Variants in SYT10 observed in about 807,000 individuals in gnomAD.
SYT10 encodes synaptotagmin 10.
A neutral mutation model predicts 51.1 loss-of-function variants in SYT10; 31 were observed. The observed-to-expected ratio is 0.61, with a 90% CI of 0.46 to 0.82. SYT10 has a LOEUF of 0.82. SYT10 is among the 40% of genes least tolerant of loss of function. SYT10 has a pLI of 0.00. For synonymous variants in SYT10, 233 were observed against 225.9 expected (o/e 1.03, Z -0.28); for missense variants, 603 against 634.0 (o/e 0.95, Z 0.53).
chr12:33,401,756 T>G (rs1403433838), intron 3 of SYT10, among the ~76,000 whole-genome samples: 2 of 152,198 alleles, frequency 1.3e-5, no homozygotes, highest in Non-Finnish European at 2.9e-5. Context: ...TCCCATTGTT[T>G]TTTCCTCTGG....
At chr12:33,412,564 T>G (rs1368812669) in intron 2 of SYT10, among the ~76,000 whole-genome samples, 1 of 152,120 alleles carries the variant, frequency 6.6e-6, no homozygotes, top group African/African-American at 2.4e-5. Flanking sequence ...TTGTATTTTT[T>G]GCTGTTGAAA....
chr12:33,426,937 G>A (rs10844598), intron 1 of SYT10, among the ~76,000 whole-genome samples: 4 of 152,094 alleles, frequency 2.6e-5, no homozygotes, highest in South Asian at 2.1e-4. Context: ...TTCTGTAAAC[G>A]GTTTTCAACA....
intron 2 of SYT10, among the ~76,000 whole-genome samples, chr12:33,421,861 G>T (rs369837978): frequency 1.5e-4 from 23 of 152,214 alleles, no homozygotes; most frequent in African/African-American, 5.3e-4. Flanking sequence ...TAAAAACGAG[G>T]TTGTTATTCC....
chr12:33,385,186 T>C lies in SYT10; in HGVS notation c.1183A>G (p.Ile395Val). The C allele has an allele frequency of 1.2e-6, 2 of 1,613,718 alleles. No individual in the cohort carries two copies. Among genetic ancestry groups the C allele is most frequent in the Non-Finnish European group, 1.7e-6 (2 of 1,179,728 alleles). The part of the protein sequence containing the change: ...IKCRNLKAMD[I>V]TGSSDPYVKV... ...GTGTACATACCTGATGAGCCAGTAATATCCATCGCCTTCAGATTTCTGCAC... is the reference window on the plus strand; with the variant it reads ...GTGTACATACCTGATGAGCCAGTAACATCCATCGCCTTCAGATTTCTGCAC... Residue 395 changes from isoleucine (I) to valine (V), a missense_variant, in exon 4 of 7, where the codon ATT (isoleucine) becomes GTT (valine). Ile to Val is a conservative substitution (Grantham distance 29). Transcript: ENST00000228567.
At position 33,408,136 on chromosome 12, in the gene SYT10, A is replaced by G. The variant is rs1338617124; in HGVS notation, c.510-780T>C. ...TGGATATTTGAGTCTCATGAATTTC[A>G]CATTTTAGTGACTATAGTATTAAAA... On this transcript the variant is annotated intron_variant, in intron 2 of 6. Transcript: ENST00000228567. 7.9e-5 allele frequency: 12 copies of G among 152,220 alleles called. 1 individual carries two copies. Among genetic ancestry groups the G allele is most frequent in the Admixed American group, 7.9e-4 (12 of 15,272 alleles). 9.4% of individuals were successfully genotyped at this position (152,220 alleles called of 1,614,324 possible).
At chr12:33,417,366 A>G (rs1184808909) in intron 2 of SYT10, among the ~76,000 whole-genome samples, 1 of 152,072 alleles carries the variant, frequency 6.6e-6, no homozygotes, top group Non-Finnish European at 1.5e-5. Flanking sequence ...ATATTAGCAT[A>G]CTCTGCCCCT....
chr12:33,404,098 G>C (rs185296554), intron 3 of SYT10, among the ~76,000 whole-genome samples: 2 of 152,306 alleles, frequency 1.3e-5, no homozygotes, highest in Admixed American at 1.3e-4. Flanking sequence ...GTGGCAGGTG[G>C]AATAAAGGTA....
chr12:33,417,519 C>A (rs1211588086), intron 2 of SYT10, among the ~76,000 whole-genome samples: 1 of 152,154 alleles, frequency 6.6e-6, no homozygotes, highest in African/African-American at 2.4e-5. Context: ...TATAAATGAT[C>A]CAGCTTCTGG....
intron 4 of SYT10, among the ~76,000 whole-genome samples, chr12:33,382,885 A>G (rs75445306): frequency 0.024 from 3,684 of 152,246 alleles, 163 homozygotes; most frequent in African/African-American, 0.084. Flanking sequence ...ACTTGGATGG[A>G]AAAAAATGAT....
rs1238449114 is a variant in SYT10 at position 33,375,344 on chromosome 12, T to C, written c.*1486A>G. 5 of 152,088 alleles carry C rather than the reference T, an allele frequency of 3.3e-5. No individual in the cohort carries two copies. The highest frequency in any genetic ancestry group is 1.2e-4 in the African/African-American group (5 of 41,448). 9.4% of individuals were successfully genotyped at this position (152,088 alleles called of 1,614,324 possible). Reference sequence around the variant, plus strand: ...TTAATATTTAGAAATAATGGGATTTTACAAAAATAAAAATTTCATAACCGC... The same window carrying C: ...TTAATATTTAGAAATAATGGGATTTCACAAAAATAAAAATTTCATAACCGC... On this transcript the variant is annotated 3_prime_UTR_variant, in exon 7 of 7. Transcript: ENST00000228567.
chr12:33,439,335 C>A lies in SYT10; in HGVS notation c.151+37G>T, dbSNP rs540221137. The A allele has an allele frequency of 1.9e-6, 3 of 1,590,880 alleles. No homozygotes were observed. In the East Asian group the frequency reaches 6.7e-5, roughly 36 times the overall value. On this transcript the variant is annotated intron_variant, in intron 1 of 6. Transcript: ENST00000228567. ...TGCAGCCTAGCGCGCGGGGTCCCAG[C>A]GGAGCGCGAGGACGCGAGCGGAGCC...
At chr12:33,432,078 C>A (rs1367189948) in intron 1 of SYT10, among the ~76,000 whole-genome samples, 1 of 152,042 alleles carries the variant, frequency 6.6e-6, no homozygotes, top group Non-Finnish European at 1.5e-5. Flanking sequence ...TAACCTATTT[C>A]TTTTATGTTT....
intron 3 of SYT10, among the ~76,000 whole-genome samples, chr12:33,392,565 A>AT (rs1866218570): frequency 1.3e-5 from 2 of 152,156 alleles, no homozygotes; most frequent in East Asian, 1.9e-4. Context: ...AGATTACTGG[A>AT]TTTTTTACAT....
intron 1 of SYT10, 129 bp downstream of exon 1, chr12:33,439,243 A>C: frequency 8.3e-7 from 1 of 1,204,024 alleles, no homozygotes. Context: ...GGAAGGAGCG[A>C]GGTAGGAAAG....
chr12:33,408,488 G>T (rs1372362255), intron 2 of SYT10, among the ~76,000 whole-genome samples: 2 of 152,082 alleles, frequency 1.3e-5, no homozygotes, highest in East Asian at 3.9e-4. Context: ...TTGCATTAAA[G>T]ATCTGCTGCT....
intron 4 of SYT10, among the ~76,000 whole-genome samples, chr12:33,384,041 C>T (rs1866138073): frequency 1.3e-5 from 2 of 152,114 alleles, no homozygotes; most frequent in South Asian, 4.1e-4. Context: ...CTTTCACATA[C>T]ACACTATGTA....
chr12:33,390,195 T>C (rs1373440761), intron 3 of SYT10, among the ~76,000 whole-genome samples: 4 of 152,176 alleles, frequency 2.6e-5, no homozygotes, highest in South Asian at 2.1e-4. Flanking sequence ...ATCGCTGATG[T>C]GAACAGATAA....
chr12:33,426,861 T>C (rs1866557645), intron 1 of SYT10, among the ~76,000 whole-genome samples: 1 of 152,192 alleles, frequency 6.6e-6, no homozygotes, highest in South Asian at 2.1e-4. Flanking sequence ...GAAACTCTTG[T>C]TTGCTTCATC....
chr12:33,377,563 A>G (rs1189060143), intron 6 of SYT10, among the ~76,000 whole-genome samples: 1 of 152,162 alleles, frequency 6.6e-6, no homozygotes, highest in Non-Finnish European at 1.5e-5. Context: ...ATGTATTTAC[A>G]AAGTTTAATT....
Sources: allele counts gnomAD v4.1 joint callset (sites outside exome capture counted in the v4.1 genomes callset), GRCh38; gene constraint gnomAD v4.1.1; transcripts MANE v1.5; gene names NCBI Gene and HGNC (gene_info 2026-07-23, HGNC 2026-07-21).